Variants in ENPP3 observed in about 807,000 individuals in gnomAD.
ENPP3 encodes ectonucleotide pyrophosphatase/phosphodiesterase family member 3.
Under a neutral mutation model 117.8 loss-of-function variants are expected in ENPP3, and 104 were observed. The ratio of observed to expected loss-of-function variants is 0.88; its 90% CI spans 0.75 to 1.04. The LOEUF (loss-of-function observed/expected upper bound fraction) is 1.04. ENPP3 is among the 50% of genes least tolerant of loss of function. The pLI is 0.00. For missense variants in ENPP3, 1,026 were observed against 1,051.9 expected (o/e 0.98, Z 0.34); for synonymous variants, 380 against 349.9 (o/e 1.09, Z -0.96).
At position 131,650,198 on chromosome 6, in the gene ENPP3, T is replaced by A. The variant is rs199549901; in HGVS notation, c.277+49T>A. The A allele has an allele frequency of 5.6e-6, 9 of 1,599,712 alleles. No homozygotes were observed. The Admixed American group carries it at 1.0e-4, about 18-fold the overall frequency. ...ATTAGCATGTTGCTTGTGTTACTATTAATACATGTCAAATTTTTTTCTTTT... is the reference window on the plus strand; with the variant it reads ...ATTAGCATGTTGCTTGTGTTACTATAAATACATGTCAAATTTTTTTCTTTT... On this transcript the variant is annotated intron_variant, in intron 3 of 24. Coordinates refer to ENST00000357639, the MANE Select transcript of ENPP3 (RefSeq NM_005021.5).
intron 1 of ENPP3, chr6:131,638,672 G>T (rs979548863): frequency 3.9e-6 from 1 of 255,994 alleles, no homozygotes; most frequent in Admixed American, 5.3e-5. Flanking sequence ...TGATCTACCT[G>T]CCTCGGCCTC....
chr6:131,651,023 G>C (rs1778251434), intron 3 of ENPP3, among the ~76,000 whole-genome samples: 1 of 151,988 alleles, frequency 6.6e-6, no homozygotes, highest in Non-Finnish European at 1.5e-5. Context: ...GGGTTCAAGC[G>C]ATTCTCCTGC....
chr6:131,665,777 T>C (rs533034112), intron 6 of ENPP3, among the ~76,000 whole-genome samples: 12 of 152,256 alleles, frequency 7.9e-5, no homozygotes, highest in African/African-American at 2.6e-4. Flanking sequence ...ATTTAGTTTG[T>C]TCCTTTTTCT....
At chr6:131,691,565 A>G (rs753376008) in intron 14 of ENPP3, among the ~76,000 whole-genome samples, 137 of 150,332 alleles carry the variant, frequency 9.1e-4, no homozygotes, top group Admixed American at 1.5e-3. Flanking sequence ...CTCCAGCCTG[A>G]GTGATAGAGC....
intron 16 of ENPP3, among the ~76,000 whole-genome samples, chr6:131,719,857 T>TA (rs570342283): frequency 5.4e-5 from 8 of 148,350 alleles, no homozygotes; most frequent in African/African-American, 9.8e-5. Flanking sequence ...AGACTTCATC[T>TA]AAAAAAAAAA....
chr6:131,684,973 A>G (rs538972220), intron 12 of ENPP3, among the ~76,000 whole-genome samples: 5 of 152,008 alleles, frequency 3.3e-5, no homozygotes, highest in African/African-American at 1.2e-4. Context: ...TTTGGTAGGG[A>G]TGGGGTTTAT....
intron 1 of ENPP3, among the ~76,000 whole-genome samples, chr6:131,637,926 C>G (rs185936597): frequency 2.6e-5 from 4 of 151,748 alleles, no homozygotes; most frequent in Admixed American, 2.0e-4. Context: ...GCCACCCCCC[C>G]TCACCCCCCA....
chr6:131,671,411 G>T, intron 7 of ENPP3, 84 bp downstream of exon 7: 1 of 809,282 alleles, frequency 1.2e-6, no homozygotes. Context: ...AACTGACCGA[G>T]TTCTGTGACT....
intron 15 of ENPP3, among the ~76,000 whole-genome samples, chr6:131,706,592 T>G (rs1280682472): frequency 6.6e-6 from 1 of 151,334 alleles, no homozygotes; most frequent in Non-Finnish European, 1.5e-5. Flanking sequence ...TAGATGCTTT[T>G]TATCAAGTGG....
chr6:131,678,251 A>G (rs902909693), intron 11 of ENPP3, among the ~76,000 whole-genome samples: 2 of 152,224 alleles, frequency 1.3e-5, no homozygotes, highest in African/African-American at 4.8e-5. Flanking sequence ...TAGATACTAT[A>G]CAAGCCAATT....
At chr6:131,740,538 T>C (rs1780507048) in intron 24 of ENPP3, among the ~76,000 whole-genome samples, 158 bp downstream of exon 24, 1 of 152,190 alleles carries the variant, frequency 6.6e-6, no homozygotes, top group Non-Finnish European at 1.5e-5. Context: ...CTTAGGCTAT[T>C]GATCTCTATG....
At chr6:131,723,097 G>C (rs1020194463) in intron 18 of ENPP3, among the ~76,000 whole-genome samples, 2 of 152,140 alleles carry the variant, frequency 1.3e-5, no homozygotes, top group African/African-American at 4.8e-5. Flanking sequence ...TTGGAGCCCC[G>C]TTATCAGGAG....
At chr6:131,683,737 C>T (rs1445813434) in intron 12 of ENPP3, among the ~76,000 whole-genome samples, 1 of 149,800 alleles carries the variant, frequency 6.7e-6, no homozygotes, top group South Asian at 2.1e-4. Flanking sequence ...TACATATGCA[C>T]TCACTCTACA....
chr6:131,649,969 A>G, intron 2 of ENPP3, 58 bp from the exon 3 acceptor site: 2 of 1,598,116 alleles, frequency 1.3e-6, no homozygotes, highest in Non-Finnish European at 1.7e-6. Context: ...TCCACTGCTT[A>G]GGTATGAGAT....
intron 12 of ENPP3, among the ~76,000 whole-genome samples, chr6:131,685,161 C>T (rs1779124293): frequency 6.6e-6 from 1 of 152,006 alleles, no homozygotes; most frequent in Non-Finnish European, 1.5e-5. Flanking sequence ...TTTATGATAC[C>T]CATCTGTTCT....
At chr6:131,694,314 C>G (rs997417485) in intron 15 of ENPP3, among the ~76,000 whole-genome samples, 40 of 152,314 alleles carry the variant, frequency 2.6e-4, no homozygotes, top group African/African-American at 9.4e-4. Flanking sequence ...ATTTGAGATA[C>G]AGATCTGTCT....
chr6:131,684,471 G>GGAGTTCGA (rs1779105053), intron 12 of ENPP3, among the ~76,000 whole-genome samples: 1 of 152,128 alleles, frequency 6.6e-6, no homozygotes, highest in African/African-American at 2.4e-5. Flanking sequence ...CCTGAGGTCA[G>GGAGTTCGA]GAGTTCGAGA....
chr6:131,724,226 T>A (rs866769644), intron 19 of ENPP3, 135 bp downstream of exon 19: 72 of 424,222 alleles, frequency 1.7e-4, no homozygotes, highest in Middle Eastern at 5.2e-4. Context: ...ATACAAAAGG[T>A]AAAAAAAAAA....
chr6:131,734,694 C>T (rs1025437178), intron 21 of ENPP3, among the ~76,000 whole-genome samples: 1 of 151,514 alleles, frequency 6.6e-6, no homozygotes, highest in African/African-American at 2.4e-5. Flanking sequence ...ATCAGGAGTT[C>T]GAGAACAGCC....
Sources: gnomAD v4.1 joint callset for allele counts (sites outside exome capture counted in the v4.1 genomes callset) on GRCh38, gnomAD v4.1.1 for gene constraint, MANE v1.5 for transcripts, NCBI Gene and HGNC (gene_info 2026-07-23, HGNC 2026-07-21) for gene names.